The following COL4A3 variants were observed in gnomAD, a reference collection of about 807,000 sequenced individuals.
The protein encoded by COL4A3 is collagen alpha-3(IV) chain.
In COL4A3, 135 loss-of-function variants were observed where a neutral mutation model predicts 217.4. The ratio of observed to expected loss-of-function variants is 0.62; its 90% confidence interval spans 0.54 to 0.72. The LOEUF (loss-of-function observed/expected upper bound fraction) is 0.72. COL4A3 is among the 30% of genes least tolerant of loss of function. COL4A3 has a pLI of 0.00. For synonymous variants in COL4A3, 690 were observed against 736.3 expected, an observed-to-expected ratio of 0.94 and a Z score of 1.02; for missense variants, 1,868 against 2,119.9, an observed-to-expected ratio of 0.88 and a Z score of 2.33.
In COL4A3 at chr2:227,202,989, GTA is replaced by G. The variant is rs1184248719; in HGVS notation, c.88-34973_88-34972del. Among the ~76,000 whole-genome samples the G allele has an allele frequency of 1.1e-4, 2 of 18,080 alleles. 1 individual carries two copies. Among genetic ancestry groups the G allele is most frequent in the Non-Finnish European group, 2.1e-4 (2 of 9,560 alleles). The allele number at this position is 18,080 out of a possible 152,430, so 11.9% of individuals were successfully genotyped here. On this transcript the variant is annotated intron_variant, in intron 1 of 51. Transcript: ENST00000396578. The stretch of plus-strand genomic sequence containing the variant: ...TATATATGTGTATATATACATATGT[GTA>G]TATATGTGTATATATACATATATGT...
At chr2:227,265,680 G>A (rs1357097077) in intron 21 of COL4A3, among the ~76,000 whole-genome samples, 3 of 152,312 alleles carry the variant, frequency 2.0e-5, no homozygotes, top group African/African-American at 4.8e-5. Flanking sequence ...AGCATCTACA[G>A]TATATCAGGA....
intron 3 of COL4A3, among the ~76,000 whole-genome samples, chr2:227,242,095 T>C (rs1262695154): frequency 6.6e-6 from 1 of 152,162 alleles, no homozygotes; most frequent in African/African-American, 2.4e-5. Flanking sequence ...GCAGACCCCA[T>C]AGGGTAAGGG....
chr2:227,267,363 T>G (rs1430006931), intron 23 of COL4A3, among the ~76,000 whole-genome samples: 1 of 152,230 alleles, frequency 6.6e-6, no homozygotes, highest in Non-Finnish European at 1.5e-5. Context: ...AGCAGTTAAC[T>G]GAAGGCAGTG....
At chr2:227,305,209 G>T in intron 47 of COL4A3, 126 bp downstream of exon 47, 1 of 782,414 alleles carries the variant, frequency 1.3e-6, no homozygotes, top group South Asian at 1.5e-5. Context: ...TCAGACCAAA[G>T]GCCAAGGATC....
At chr2:227,303,221 G>A (rs1368612535) in intron 44 of COL4A3, 111 bp downstream of exon 44, 1 of 864,584 alleles carries the variant, frequency 1.2e-6, no homozygotes, top group Non-Finnish European at 2.0e-6. Flanking sequence ...GTACAAATAG[G>A]ACCTCAATAC....
intron 30 of COL4A3, 48 bp from the exon 31 acceptor site, chr2:227,280,845 G>T: frequency 7.4e-7 from 1 of 1,348,808 alleles, no homozygotes; most frequent in Non-Finnish European, 1.0e-6. Context: ...GCAATACCAA[G>T]ACCTTAAGTT....
intron 50 of COL4A3, among the ~76,000 whole-genome samples, chr2:227,309,944 A>G (rs2073677594): frequency 6.6e-6 from 1 of 152,112 alleles, no homozygotes; most frequent in Non-Finnish European, 1.5e-5. Context: ...CCTATTTTTT[A>G]TAAGATAACT....
Position 227,311,906 on chromosome 2 carries a change from C to T in COL4A3, c.*36C>T. The T allele has an allele frequency of 1.2e-6, 2 of 1,612,228 alleles. No individual in the cohort carries two copies. The highest frequency in any genetic ancestry group is 1.7e-6 in the Non-Finnish European group (2 of 1,178,980). On this transcript the variant is annotated 3_prime_UTR_variant, in exon 52 of 52. Coordinates refer to ENST00000396578, the MANE Select transcript of COL4A3 (RefSeq NM_000091.5). ...GACAGCAGAACTGCTATTTTTCATC[C>T]TAAAGAACAAAGTAATGACAGAACA...
rs1229634847 is a variant in COL4A3 at position 227,202,844 on chromosome 2, TAC to T, written c.88-35122_88-35121del. Among the ~76,000 whole-genome samples the T allele has an allele frequency of 2.1e-3, 97 of 45,456 alleles. 6 individuals carry two copies. The highest frequency in any genetic ancestry group is 4.0e-3 in the Admixed American group (16 of 3,962). 29.8% of individuals were successfully genotyped at this position (45,456 alleles called of 152,430 possible). Reference sequence around the variant, plus strand: ...ATATATGTGTATCTATGTGTATATATACATATGTGTATATATACATATATGTG... The same window carrying T: ...ATATATGTGTATCTATGTGTATATATATATGTGTATATATACATATATGTG... On this transcript the variant is annotated intron_variant, in intron 1 of 51. Coordinates refer to ENST00000396578, the MANE Select transcript of COL4A3 (RefSeq NM_000091.5).
At chr2:227,213,915 A>G (rs997520504) in intron 1 of COL4A3, among the ~76,000 whole-genome samples, 12 of 128,764 alleles carry the variant, frequency 9.3e-5, no homozygotes, top group African/African-American at 4.0e-4. Context: ...AAAAAAAAAA[A>G]AAAAGAAAAA....
At chr2:227,254,304 CA>C in intron 14 of COL4A3, 130 bp downstream of exon 14, 1 of 790,688 alleles carries the variant, frequency 1.3e-6, no homozygotes, top group Non-Finnish European at 2.1e-6. Flanking sequence ...ATGGCTACTC[CA>C]CAGGCAGAGC....
rs1559866278 is a variant in COL4A3 at position 227,250,377 on chromosome 2, TAG to T, written c.547-761_547-760del. Among the ~76,000 whole-genome samples the T allele has an allele frequency of 2.0e-5, 3 of 150,600 alleles. No individual in the cohort carries two copies. Among genetic ancestry groups the T allele is most frequent in the African/African-American group, 5.0e-5 (2 of 40,304 alleles). ...ATAGATAGATAGATAGATAGATAGA[TAG>T]ATAGATATTTAAAAATTGTATGAAC... On this transcript the variant is annotated intron_variant, in intron 9 of 51. Coordinates refer to ENST00000396578, the MANE Select transcript of COL4A3 (RefSeq NM_000091.5). The surrounding 1 kb of genome is among the most constrained non-coding windows in gnomAD (Gnocchi z 4.1).
At chr2:227,305,147 C>G in intron 47 of COL4A3, 64 bp downstream of exon 47, 2 of 1,410,584 alleles carry the variant, frequency 1.4e-6, no homozygotes, top group Non-Finnish European at 2.0e-6. Flanking sequence ...AAGTCTTGTT[C>G]GAGTGGGTGA....
rs73996408 is a variant in COL4A3, at chr2:227,290,049, C to A, written c.3031C>A (p.Arg1011Ser). 6 of 1,614,128 alleles carry A rather than the reference C, an allele frequency of 3.7e-6. No homozygotes were observed. In the East Asian group the frequency reaches 6.7e-5, roughly 18 times the overall value. The change falls in exon 36 of 52, where the codon CGT (arginine) becomes AGT (serine). Residue 1011 changes from arginine (R) to serine (S), a missense_variant. This residue lies in a region of COL4A3 where 1,503 missense variants were observed against 1,786.1 expected (regional missense o/e 0.84). Coordinates refer to ENST00000396578, the MANE Select transcript of COL4A3 (RefSeq NM_000091.5). ...TGGGAATCCTGGAGAACCAGGACTG[C>A]GTGGTATACCAGGAAGCATGGGGAA... ...STGNPGEPGL[R>S]GIPGSMGNMG...
At chr2:227,215,284 C>G (rs962880540) in intron 1 of COL4A3, among the ~76,000 whole-genome samples, 3 of 151,996 alleles carry the variant, frequency 2.0e-5, no homozygotes, top group Admixed American at 6.6e-5. Flanking sequence ...CCCAGAGTAA[C>G]CATTTTTAAT....
At chr2:227,242,138 C>T (rs2069061573) in intron 3 of COL4A3, among the ~76,000 whole-genome samples, 1 of 152,172 alleles carries the variant, frequency 6.6e-6, no homozygotes, top group East Asian at 1.9e-4. Flanking sequence ...TGTTTCAGGA[C>T]TAGTCATAAG....
At chr2:227,262,778 AAG>A (rs1450561875) in intron 20 of COL4A3, among the ~76,000 whole-genome samples, 1 of 152,126 alleles carries the variant, frequency 6.6e-6, no homozygotes, top group African/African-American at 2.4e-5. Context: ...TATCGGCTCT[AAG>A]AGTTTTTTTG....
intron 1 of COL4A3, among the ~76,000 whole-genome samples, chr2:227,200,243 C>A (rs2066633463): frequency 6.6e-6 from 1 of 151,636 alleles, no homozygotes; most frequent in Non-Finnish European, 1.5e-5. Context: ...GAAGAAGGGA[C>A]TTTTTTCCTT....
intron 1 of COL4A3, among the ~76,000 whole-genome samples, chr2:227,219,609 CTTAT>C (rs1319117385): frequency 3.3e-5 from 5 of 152,126 alleles, no homozygotes; most frequent in Admixed American, 1.3e-4. Flanking sequence ...CTTACATTTT[CTTAT>C]TTATTTTTGT....
Sources: gnomAD v4.1 joint callset for allele counts (sites outside exome capture counted in the v4.1 genomes callset) on GRCh38, gnomAD v4.1.1 for gene constraint, gnomAD v4.1.1 regional missense constraint, Gnocchi (gnomAD v3.1) non-coding constraint, MANE v1.5 for transcripts, NCBI Gene and HGNC (gene_info 2026-07-23, HGNC 2026-07-21) for gene names.